The following MAST2 variants were observed in gnomAD, a reference collection of about 807,000 sequenced individuals.
MAST2 encodes microtubule-associated serine/threonine-protein kinase 2.
Under a neutral mutation model 147.4 loss-of-function variants are expected in MAST2, and 70 were observed. The observed-to-expected ratio is 0.47, with a 90% CI of 0.39 to 0.58. MAST2 has a LOEUF of 0.58. MAST2 is among the 20% of genes least tolerant of loss of function. MAST2 has a pLI of 0.00. For missense variants in MAST2, 2,080 were observed against 2,302.3 expected, an observed-to-expected ratio of 0.90 and a Z score of 1.98; for synonymous variants, 869 against 896.8, an observed-to-expected ratio of 0.97 and a Z score of 0.55.
At chr1:45,851,344 A>G (rs1299340620) in intron 3 of MAST2, among the ~76,000 whole-genome samples, 2 of 152,272 alleles carry the variant, frequency 1.3e-5, no homozygotes, top group East Asian at 3.9e-4. Flanking sequence ...CTGGGAAGCC[A>G]TTTATCAGTT....
chr1:45,826,515 G>A (rs552598001), intron 2 of MAST2, among the ~76,000 whole-genome samples: 30 of 152,176 alleles, frequency 2.0e-4, no homozygotes, highest in Non-Finnish European at 4.1e-4. Context: ...ACCACACCCA[G>A]CTAATTTTTG....
chr1:45,927,568 A>AGGCTCTGTTCTGCCTGG (rs1557918386), intron 4 of MAST2, among the ~76,000 whole-genome samples: 7 of 152,252 alleles, frequency 4.6e-5, no homozygotes, highest in African/African-American at 1.7e-4. Flanking sequence ...GTTCTGCCTG[A>AGGCTCTGTTCTGCCTGG]CTCACCGGCG....
chr1:45,920,395 C>T (rs1282640626), intron 4 of MAST2, among the ~76,000 whole-genome samples: 1 of 152,156 alleles, frequency 6.6e-6, no homozygotes, highest in Non-Finnish European at 1.5e-5. Flanking sequence ...TGTTTGAGTA[C>T]CCCCTTTTGC....
intron 8 of MAST2, among the ~76,000 whole-genome samples, chr1:46,006,896 C>T (rs1029525831): frequency 1.3e-5 from 2 of 152,200 alleles, no homozygotes; most frequent in African/African-American, 4.8e-5. Flanking sequence ...CCCATTGGCC[C>T]TGGGTGTATG....
intron 1 of MAST2, among the ~76,000 whole-genome samples, chr1:45,821,885 C>CTTTTTTTTTTT (rs71587723): frequency 5.0e-5 from 5 of 100,848 alleles, no homozygotes; most frequent in African/African-American, 1.2e-4. Context: ...TCACCTTCAC[C>CTTTTTTTTTTT]TTTTTTTTTT....
intron 5 of MAST2, among the ~76,000 whole-genome samples, chr1:45,970,226 C>A (rs1391334197): frequency 6.6e-6 from 1 of 152,130 alleles, no homozygotes; most frequent in East Asian, 1.9e-4. Context: ...ATAAAACTTA[C>A]AAAAATTTGG....
chr1:45,876,542 A>C (rs894986479), intron 3 of MAST2, among the ~76,000 whole-genome samples: 14 of 152,212 alleles, frequency 9.2e-5, no homozygotes, highest in African/African-American at 3.4e-4. Flanking sequence ...AGTTGCTGGA[A>C]GGTTATGAGT....
At chr1:45,811,039 C>G (rs902728935) in intron 1 of MAST2, among the ~76,000 whole-genome samples, 10 of 151,316 alleles carry the variant, frequency 6.6e-5, no homozygotes, top group African/African-American at 2.2e-4. Context: ...TTAGTAGAGA[C>G]GGAGTTTTTC....
At chr1:45,971,571 T>C (rs1643914949) in intron 5 of MAST2, among the ~76,000 whole-genome samples, 1 of 152,236 alleles carries the variant, frequency 6.6e-6, no homozygotes, top group Non-Finnish European at 1.5e-5. Flanking sequence ...GAGCCTGTTC[T>C]TTCTGCAGTG....
chr1:46,033,905 G>T lies in MAST2; in HGVS notation c.3641G>T (p.Ser1214Ile). 1 of 1,614,190 alleles carries T rather than the reference G, an allele frequency of 6.2e-7. No individual in the cohort carries two copies. Among genetic ancestry groups the T allele is most frequent in the Non-Finnish European group, 8.5e-7 (1 of 1,180,020 alleles). ...TACAAGGCCAAGATGGCCCGAAGGAGCAAGAGGAGCCGCGGCAAGGATGGG... is the reference window on the plus strand; with the variant it reads ...TACAAGGCCAAGATGGCCCGAAGGATCAAGAGGAGCCGCGGCAAGGATGGG... The part of the protein sequence containing the change: ...GSYKAKMARR[S>I]KRSRGKDGQE... The change falls in exon 27 of 29, where the codon AGC becomes ATC. Residue 1214 changes from serine (S) to isoleucine (I), a missense_variant. Coordinates refer to ENST00000361297, the MANE Select transcript of MAST2 (RefSeq NM_015112.3).
At chr1:45,864,349 C>T (rs1646074825) in intron 3 of MAST2, among the ~76,000 whole-genome samples, 1 of 152,164 alleles carries the variant, frequency 6.6e-6, no homozygotes, top group Non-Finnish European at 1.5e-5. Flanking sequence ...CCCTCCTGCA[C>T]ATAAAAGAGC....
chr1:45,981,117 G>A (rs1357057432), intron 5 of MAST2, among the ~76,000 whole-genome samples: 3 of 152,066 alleles, frequency 2.0e-5, no homozygotes, highest in African/African-American at 7.2e-5. Flanking sequence ...CAGTGCCCAG[G>A]CTGGAGTGCA....
At chr1:45,884,807 T>C (rs1369563785) in intron 4 of MAST2, among the ~76,000 whole-genome samples, 1 of 152,124 alleles carries the variant, frequency 6.6e-6, no homozygotes, top group East Asian at 1.9e-4. Flanking sequence ...ACTAACAAAT[T>C]ATGTGTGGCT....
At chr1:46,033,374 G>A (rs1646759002) in intron 26 of MAST2, among the ~76,000 whole-genome samples, 1 of 151,928 alleles carries the variant, frequency 6.6e-6, no homozygotes, top group South Asian at 2.1e-4. Context: ...AGGAGGCAGA[G>A]GTTGCAGTGA....
intron 27 of MAST2, 32 bp downstream of exon 27, chr1:46,033,970 T>G (rs920740097): frequency 6.2e-7 from 1 of 1,612,362 alleles, no homozygotes; most frequent in Admixed American, 1.7e-5. Context: ...GGGTTTTCTC[T>G]GAGCCACATG....
At chr1:45,991,977 A>G (rs958251505) in intron 5 of MAST2, among the ~76,000 whole-genome samples, 4 of 151,980 alleles carry the variant, frequency 2.6e-5, no homozygotes, top group Non-Finnish European at 5.9e-5. Flanking sequence ...AATCCCCCCA[A>G]CTCAGCCTCC....
chr1:45,957,915 A>T (rs1659871088), intron 4 of MAST2, among the ~76,000 whole-genome samples: 1 of 152,198 alleles, frequency 6.6e-6, no homozygotes, highest in Non-Finnish European at 1.5e-5. Flanking sequence ...GGATTTCGCC[A>T]GGACTTTGGT....
In MAST2 at chr1:46,010,712, T is replaced by C; in HGVS notation, c.979-18T>C. On this transcript the variant is annotated intron_variant, in intron 9 of 28. Coordinates refer to ENST00000361297, the MANE Select transcript of MAST2 (RefSeq NM_015112.3). ...TGGAACTAGAAGGGAAGTGTTTCTTTCTTGCTTTTCTTCCCAGGCCACCGC... is the reference window on the plus strand; with the variant it reads ...TGGAACTAGAAGGGAAGTGTTTCTTCCTTGCTTTTCTTCCCAGGCCACCGC... 2 of 1,610,628 alleles carry C rather than the reference T, an allele frequency of 1.2e-6. No homozygotes were observed. The highest frequency in any genetic ancestry group is 1.7e-6 in the Non-Finnish European group (2 of 1,178,622).
At chr1:45,928,939 T>C (rs1488807224) in intron 4 of MAST2, among the ~76,000 whole-genome samples, 1 of 152,176 alleles carries the variant, frequency 6.6e-6, no homozygotes, top group East Asian at 1.9e-4. Flanking sequence ...GAGGTTTTTT[T>C]CTGACATGTT....
Sources: allele counts gnomAD v4.1 joint callset (sites outside exome capture counted in the v4.1 genomes callset), GRCh38; gene constraint gnomAD v4.1.1; transcripts MANE v1.5; gene names NCBI Gene and HGNC (gene_info 2026-07-23, HGNC 2026-07-21).